Variants in KCNK13 observed in about 807,000 individuals in gnomAD.
The protein encoded by KCNK13 is potassium two pore domain channel subfamily K member 13, also known as potassium channel subfamily K member 13.
In KCNK13, 12 loss-of-function variants were observed where a neutral mutation model predicts 23.4. The ratio of observed to expected loss-of-function variants is 0.51; its 90% confidence interval spans 0.33 to 0.83. The LOEUF (loss-of-function observed/expected upper bound fraction) is 0.83. Ranked by LOEUF, KCNK13 falls within the 40% of genes least tolerant of loss-of-function variation. The pLI is 0.02. For synonymous variants in KCNK13, 231 were observed against 229.5 expected (o/e 1.01, Z -0.06); for missense variants, 463 against 556.3 (o/e 0.83, Z 1.69).
At chr14:90,171,269 T>C (rs949100245) in intron 1 of KCNK13, among the ~76,000 whole-genome samples, 24 of 152,328 alleles carry the variant, frequency 1.6e-4, no homozygotes, top group Admixed American at 1.4e-3. Context: ...GGGTAGACTA[T>C]GAAGGAAAAC....
At chr14:90,154,790 T>C (rs1445799078) in intron 1 of KCNK13, among the ~76,000 whole-genome samples, 1 of 152,126 alleles carries the variant, frequency 6.6e-6, no homozygotes, top group Non-Finnish European at 1.5e-5. Flanking sequence ...ACCCTATTAA[T>C]TTTATTAATT....
intron 1 of KCNK13, among the ~76,000 whole-genome samples, chr14:90,074,021 T>C (rs1889107153): frequency 6.6e-6 from 1 of 151,850 alleles, no homozygotes; most frequent in South Asian, 2.1e-4. Context: ...CAGGCTGGAG[T>C]GCAGTGACGC....
intron 1 of KCNK13, among the ~76,000 whole-genome samples, chr14:90,125,599 G>GCACA (rs35452662): frequency 1.5e-3 from 99 of 64,658 alleles, no homozygotes; most frequent in African/African-American, 5.0e-3. Context: ...ACACACACAC[G>GCACA]CACACACACA....
intron 1 of KCNK13, among the ~76,000 whole-genome samples, chr14:90,101,812 A>AAAAAAAAAAAAAAAAAC (rs1889483919): frequency 6.8e-6 from 1 of 147,670 alleles, no homozygotes; most frequent in Non-Finnish European, 1.5e-5. Context: ...AAAAAAAAAA[A>AAAAAAAAAAAAAAAAAC]CCTCACAAGT....
Position 90,091,407 on chromosome 14 carries a change from C to T in KCNK13, c.334+28868C>T, listed in dbSNP as rs998308294. ...CCTATGGGAAATTAAGACCCACTAACTGGAAATGGTGAAAAGTGACAAGTT... is the reference window on the plus strand; with the variant it reads ...CCTATGGGAAATTAAGACCCACTAATTGGAAATGGTGAAAAGTGACAAGTT... On this transcript the variant is annotated intron_variant, in intron 1 of 1. Transcript: ENST00000282146. Among the ~76,000 whole-genome samples, 3 of 152,226 alleles carry T rather than the reference C, an allele frequency of 2.0e-5. No individual in the cohort carries two copies. In the South Asian group the frequency reaches 6.2e-4, roughly 32 times the overall value.
intron 1 of KCNK13, among the ~76,000 whole-genome samples, chr14:90,124,183 T>G (rs1276348904): frequency 6.6e-6 from 1 of 152,244 alleles, no homozygotes; most frequent in African/African-American, 2.4e-5. Context: ...CGTCTCCGGT[T>G]AATGTGCACT....
intron 1 of KCNK13, among the ~76,000 whole-genome samples, chr14:90,163,591 A>G (rs556497685): frequency 6.6e-6 from 1 of 152,344 alleles, no homozygotes; most frequent in South Asian, 2.1e-4. Context: ...CACAAAGCAC[A>G]TCAGGTGCAG....
intron 1 of KCNK13, among the ~76,000 whole-genome samples, chr14:90,146,935 T>C (rs1317924664): frequency 1.3e-5 from 2 of 152,204 alleles, no homozygotes; most frequent in Non-Finnish European, 2.9e-5. Context: ...AATTCTTCAG[T>C]GTGTTATTTT....
At chr14:90,162,858 T>A (rs919275606) in intron 1 of KCNK13, among the ~76,000 whole-genome samples, 2 of 152,166 alleles carry the variant, frequency 1.3e-5, no homozygotes, top group Admixed American at 6.5e-5. Flanking sequence ...GGGAAAATAT[T>A]TGCAACATAT....
chr14:90,116,662 T>C (rs1303589530), intron 1 of KCNK13, among the ~76,000 whole-genome samples: 2 of 152,142 alleles, frequency 1.3e-5, no homozygotes, highest in Non-Finnish European at 2.9e-5. Flanking sequence ...GCTTCGGGTT[T>C]GCAAAGGTTC....
At chr14:90,179,994 A>G (rs368381794) in intron 1 of KCNK13, among the ~76,000 whole-genome samples, 2 of 152,288 alleles carry the variant, frequency 1.3e-5, no homozygotes, top group East Asian at 3.9e-4. Flanking sequence ...AAAGCATTGA[A>G]CTATGGACAC....
chr14:90,183,194 C>T (rs1245886698), intron 1 of KCNK13, among the ~76,000 whole-genome samples: 3 of 152,158 alleles, frequency 2.0e-5, no homozygotes, highest in Non-Finnish European at 4.4e-5. Flanking sequence ...CAGTTAGAGG[C>T]AAAGGCAAAA....
intron 1 of KCNK13, among the ~76,000 whole-genome samples, chr14:90,132,736 G>C (rs1173663534): frequency 6.6e-6 from 1 of 152,064 alleles, no homozygotes; most frequent in African/African-American, 2.4e-5. Context: ...CCTAAAAGTA[G>C]ATAAGATGGT....
At chr14:90,094,835 G>C (rs1229446625) in intron 1 of KCNK13, among the ~76,000 whole-genome samples, 1 of 151,866 alleles carries the variant, frequency 6.6e-6, no homozygotes, top group African/African-American at 2.4e-5. Context: ...TATTAGTAGA[G>C]ACGGGGTTTC....
At position 90,062,638 on chromosome 14, in the gene KCNK13, G is replaced by A. The variant is rs547723013; in HGVS notation, c.334+99G>A. On this transcript the variant is annotated intron_variant, in intron 1 of 1. Transcript: ENST00000282146. The surrounding 1 kb of genome is among the most constrained non-coding windows in gnomAD (Gnocchi z 4.5). ...CTCATCCTTTCATTCATCCATCTGG[G>A]CGCCCAGCCAGACTCCACTGACATG... 6 of 947,072 alleles carry A rather than the reference G, an allele frequency of 6.3e-6. No homozygotes were observed. Among genetic ancestry groups the A allele is most frequent in the Non-Finnish European group, 9.1e-6 (6 of 660,964 alleles). The allele number at this position is 947,072 out of a possible 1,614,324, so 58.7% of individuals were successfully genotyped here.
chr14:90,160,990 T>G (rs1890247136), intron 1 of KCNK13, among the ~76,000 whole-genome samples: 1 of 152,104 alleles, frequency 6.6e-6, no homozygotes, highest in Admixed American at 6.5e-5. Context: ...AAACAGATAT[T>G]TTCACACCCC....
chr14:90,062,385 C>T lies in KCNK13; in HGVS notation c.180C>T (p.Phe60=). The part of the protein sequence containing the change: ...KQRWEERLAN[F]SRGHNLSRDE... Reference sequence around the variant, plus strand: ...GCTGGGAGGAGCGCCTGGCCAACTTCAGCCGCGGCCACAACCTGAGCCGCG... The same window carrying T: ...GCTGGGAGGAGCGCCTGGCCAACTTTAGCCGCGGCCACAACCTGAGCCGCG... Residue 60 remains phenylalanine (F), a synonymous_variant, in exon 1 of 2, where the codon TTC becomes TTT. Coordinates refer to ENST00000282146, the MANE Select transcript of KCNK13 (RefSeq NM_022054.4). This position sits in a 1 kb window ranked among gnomAD's most constrained non-coding sequence, Gnocchi z 4.5. 6.5e-7 allele frequency: 1 copy of T among 1,550,386 alleles called. No individual in the cohort carries two copies. Among genetic ancestry groups the T allele is most frequent in the Non-Finnish European group, 8.7e-7 (1 of 1,148,110 alleles).
intron 1 of KCNK13, among the ~76,000 whole-genome samples, chr14:90,065,228 A>T (rs889236066): frequency 3.9e-5 from 6 of 152,232 alleles, no homozygotes; most frequent in African/African-American, 1.4e-4. Flanking sequence ...TCCTCTAAAA[A>T]TTAATTCCAC....
intron 1 of KCNK13, among the ~76,000 whole-genome samples, chr14:90,170,077 A>C (rs1258673859): frequency 1.3e-5 from 2 of 152,226 alleles, no homozygotes. Context: ...AAATAAAAGA[A>C]AATAATTGAG....
Sources: allele counts gnomAD v4.1 joint callset (sites outside exome capture counted in the v4.1 genomes callset), GRCh38; gene constraint gnomAD v4.1.1; non-coding constraint Gnocchi (gnomAD v3.1); transcripts MANE v1.5; gene names NCBI Gene and HGNC (gene_info 2026-07-23, HGNC 2026-07-21).